The following FSIP1 variants were observed in gnomAD, a reference collection of about 807,000 sequenced individuals.
The protein encoded by FSIP1 is fibrous sheath interacting protein 1.
In FSIP1, 65 loss-of-function variants were observed where a neutral mutation model predicts 60.9. The ratio of observed to expected loss-of-function variants is 1.07; its 90% CI spans 0.87 to 1.31. The LOEUF (loss-of-function observed/expected upper bound fraction) is 1.31, where lower values mean the gene tolerates loss of function less well. FSIP1 is among the 40% of genes most tolerant of loss of function. The probability of loss-of-function intolerance (pLI) is 0.00; values close to 1 mark genes in which losing one functional copy is unlikely to be tolerated. For missense variants in FSIP1, 675 were observed against 665.5 expected (o/e 1.01, Z -0.16); for synonymous variants, 209 against 221.2 (o/e 0.94, Z 0.49).
At chr15:39,618,862 C>A (rs1249345985) in intron 10 of FSIP1, among the ~76,000 whole-genome samples, 2 of 152,074 alleles carry the variant, frequency 1.3e-5, no homozygotes, top group African/African-American at 4.8e-5. Context: ...CCATGTCCCA[C>A]AAGACTTCAG....
intron 10 of FSIP1, among the ~76,000 whole-genome samples, chr15:39,703,923 T>C (rs1328530316): frequency 6.6e-6 from 1 of 152,226 alleles, no homozygotes; most frequent in Non-Finnish European, 1.5e-5. Context: ...CCTATAACTG[T>C]ACTACATTCT....
intron 10 of FSIP1, among the ~76,000 whole-genome samples, chr15:39,641,762 C>T (rs1260892113): frequency 2.6e-5 from 4 of 152,218 alleles, no homozygotes; most frequent in Admixed American, 6.5e-5. Context: ...AACAAAACCG[C>T]GCAAGACTAT....
In FSIP1 at chr15:39,653,295, T is replaced by C. The variant is rs1595576682; in HGVS notation, c.1189-35050A>G. Among the ~76,000 whole-genome samples the C allele has an allele frequency of 1.3e-5, 2 of 152,056 alleles. 1 individual carries two copies. The highest frequency in any genetic ancestry group is 3.8e-4 in the East Asian group (2 of 5,198). The stretch of plus-strand genomic sequence containing the variant: ...GAGTGAAAGTCAAGGCCCAGGACAT[T>C]ACTATATACTAATGTATATTTTATA... On this transcript the variant is annotated intron_variant, in intron 10 of 11. Coordinates refer to ENST00000350221, the MANE Select transcript of FSIP1 (RefSeq NM_152597.5).
intron 10 of FSIP1, among the ~76,000 whole-genome samples, chr15:39,672,100 G>A (rs943658334): frequency 6.6e-5 from 10 of 152,194 alleles, no homozygotes; most frequent in African/African-American, 2.4e-4. Context: ...TGGAGTCAAG[G>A]AGACTAGCGA....
chr15:39,702,982 C>CTT (rs67911946), intron 10 of FSIP1, among the ~76,000 whole-genome samples: 1 of 133,984 alleles, frequency 7.5e-6, no homozygotes. Flanking sequence ...TCATAATTGT[C>CTT]TTTTTTTTTT....
intron 1 of FSIP1, among the ~76,000 whole-genome samples, chr15:39,777,835 A>G (rs1311382678): frequency 2.0e-5 from 3 of 152,148 alleles, no homozygotes; most frequent in Non-Finnish European, 4.4e-5. Context: ...CTACCCAACA[A>G]TGTCCTTTTC....
chr15:39,671,758 A>G (rs2140470222), intron 10 of FSIP1, among the ~76,000 whole-genome samples: 1 of 152,332 alleles, frequency 6.6e-6, no homozygotes, highest in South Asian at 2.1e-4. Flanking sequence ...TTAAAAACCC[A>G]AAATACAGTC....
chr15:39,664,080 G>C (rs1442594096), intron 10 of FSIP1, among the ~76,000 whole-genome samples: 1 of 151,530 alleles, frequency 6.6e-6, no homozygotes, highest in Non-Finnish European at 1.5e-5. Context: ...GTGGGGGAAG[G>C]GTCTTCACAT....
At chr15:39,673,479 A>AT (rs57713872) in intron 10 of FSIP1, among the ~76,000 whole-genome samples, 4,787 of 150,858 alleles carry the variant, frequency 0.032, 250 homozygotes, top group African/African-American at 0.11. Flanking sequence ...ACACCTGGTT[A>AT]TTTTTTTTTA....
At chr15:39,742,881 T>A (rs1896851800) in intron 5 of FSIP1, among the ~76,000 whole-genome samples, 1 of 152,198 alleles carries the variant, frequency 6.6e-6, no homozygotes, top group African/African-American at 2.4e-5. Context: ...CTTTGATGAG[T>A]TAATCAAGCA....
At chr15:39,707,326 T>G (rs1330164029) in intron 10 of FSIP1, among the ~76,000 whole-genome samples, 1 of 152,124 alleles carries the variant, frequency 6.6e-6, no homozygotes, top group East Asian at 1.9e-4. Flanking sequence ...TCCAGTCCCT[T>G]CCTACCCTTC....
At chr15:39,672,428 A>AG (rs1474769061) in intron 10 of FSIP1, among the ~76,000 whole-genome samples, 1 of 152,204 alleles carries the variant, frequency 6.6e-6, no homozygotes, top group Non-Finnish European at 1.5e-5. Flanking sequence ...CCTTCTCTCC[A>AG]GGAATAGTAC....
chr15:39,711,625 A>G (rs1228113215), intron 10 of FSIP1, among the ~76,000 whole-genome samples: 1 of 150,432 alleles, frequency 6.6e-6, no homozygotes, highest in Non-Finnish European at 1.5e-5. Flanking sequence ...TATCGTTACC[A>G]CTACAATGAC....
chr15:39,645,508 GGGGGA>G (rs1892555991), intron 10 of FSIP1, among the ~76,000 whole-genome samples: 2 of 152,126 alleles, frequency 1.3e-5, no homozygotes, highest in African/African-American at 4.8e-5. Flanking sequence ...TTGTGCTCTT[GGGGGA>G]GCCAGGAACA....
intron 10 of FSIP1, among the ~76,000 whole-genome samples, chr15:39,632,903 A>G (rs1413520773): frequency 6.6e-6 from 1 of 152,192 alleles, no homozygotes; most frequent in Non-Finnish European, 1.5e-5. Context: ...AGGCAGGGCA[A>G]AAACACAATT....
At chr15:39,652,981 G>A (rs1892933457) in intron 10 of FSIP1, among the ~76,000 whole-genome samples, 1 of 152,016 alleles carries the variant, frequency 6.6e-6, no homozygotes, top group Non-Finnish European at 1.5e-5. Flanking sequence ...TTTGAGATCA[G>A]CCTAAGCAAC....
intron 10 of FSIP1, among the ~76,000 whole-genome samples, chr15:39,652,779 C>A (rs1017450627): frequency 1.3e-5 from 2 of 152,094 alleles, no homozygotes; most frequent in African/African-American, 2.4e-5. Context: ...AGGCTACAAA[C>A]CCGTACAGCA....
chr15:39,741,954 GT>G, intron 5 of FSIP1, 54 bp from the exon 6 acceptor site: 1 of 950,326 alleles, frequency 1.1e-6, no homozygotes, highest in Non-Finnish European at 1.7e-6. Flanking sequence ...TTAAGTAGTT[GT>G]CTACAAAATT....
At chr15:39,614,864 G>A (rs1415889751) in intron 11 of FSIP1, among the ~76,000 whole-genome samples, 1 of 152,096 alleles carries the variant, frequency 6.6e-6, no homozygotes, top group African/African-American at 2.4e-5. Flanking sequence ...AAAAGAAGCT[G>A]GAGGTATCAC....
Sources: allele counts gnomAD v4.1 joint callset (sites outside exome capture counted in the v4.1 genomes callset), GRCh38; gene constraint gnomAD v4.1.1; transcripts MANE v1.5; gene names NCBI Gene and HGNC (gene_info 2026-07-23, HGNC 2026-07-21).